The following HS3ST4 variants were observed in gnomAD, a reference collection of about 807,000 sequenced individuals.
HS3ST4 encodes heparan sulfate glucosamine 3-O-sulfotransferase 4.
HS3ST4 carries 17 observed loss-of-function variants against 29.2 expected under a neutral mutation model. That is an observed-to-expected ratio of 0.58 (90% CI 0.40 to 0.87). HS3ST4 has a LOEUF of 0.87. Among genes scored for constraint, HS3ST4 ranks in the 40% least tolerant of loss-of-function variants. The pLI is 0.00. For missense variants in HS3ST4, 627 were observed against 634.5 expected (o/e 0.99, Z 0.13); for synonymous variants, 314 against 285.7 (o/e 1.10, Z -1.00).
At chr16:25,985,356 A>G (rs890856007) in intron 1 of HS3ST4, among the ~76,000 whole-genome samples, 1 of 152,168 alleles carries the variant, frequency 6.6e-6, no homozygotes, top group African/African-American at 2.4e-5. Flanking sequence ...CAATTTGGGC[A>G]TTTAGGTGGT....
intron 1 of HS3ST4, among the ~76,000 whole-genome samples, chr16:25,905,535 T>G (rs1354372907): frequency 6.6e-6 from 1 of 152,150 alleles, no homozygotes; most frequent in Non-Finnish European, 1.5e-5. Context: ...AGACTCCACC[T>G]GAGACTTCCT....
At chr16:26,053,485 G>A (rs1307830639) in intron 1 of HS3ST4, among the ~76,000 whole-genome samples, 1 of 152,174 alleles carries the variant, frequency 6.6e-6, no homozygotes, top group African/African-American at 2.4e-5. Context: ...CATCCTGATG[G>A]AGAATTTCAG....
chr16:25,920,603 C>T lies in HS3ST4; in HGVS notation c.735-215009C>T, dbSNP rs893069445. 1.3e-4 allele frequency among the ~76,000 whole-genome samples: 11 copies of T among 86,878 alleles called. 2 individuals carry two copies. The highest frequency in any genetic ancestry group is 1.2e-3 in the African/African-American group (11 of 9,560). 57.0% of individuals were successfully genotyped at this position (86,878 alleles called of 152,430 possible). ...ATCCTTCCCCTCACTGCCGCCCCCA[C>T]CCCTCTTTTTTTTTTTTGAAACAGG... On this transcript the variant is annotated intron_variant, in intron 1 of 1. Transcript: ENST00000331351.
chr16:25,852,866 T>C (rs1336451646), intron 1 of HS3ST4, among the ~76,000 whole-genome samples: 2 of 152,196 alleles, frequency 1.3e-5, no homozygotes. Context: ...TTAATTCATC[T>C]CCAGTTTAAT....
At position 25,692,843 on chromosome 16, in the gene HS3ST4, C is replaced by A; in HGVS notation, c.426C>A (p.Thr142=). Residue 142 remains threonine (T), a synonymous_variant, in exon 1 of 2, where the codon ACC becomes ACA. Coordinates refer to ENST00000331351, the MANE Select transcript of HS3ST4 (RefSeq NM_006040.3). Reference sequence around the variant, plus strand: ...GCGCCCAGGACGCCTGGCTCCGGACCCCGCTGGCCCCCAGCGAGATGATCA... The same window carrying A: ...GCGCCCAGGACGCCTGGCTCCGGACACCGCTGGCCCCCAGCGAGATGATCA... ...GGGAQDAWLR[T]PLAPSEMITA... is the part of the protein sequence containing the mutation. The A allele has an allele frequency of 7.0e-7, 1 of 1,420,202 alleles. No homozygotes were observed. Among genetic ancestry groups the A allele is most frequent in the Non-Finnish European group, 9.2e-7 (1 of 1,091,208 alleles). 88.0% of individuals were successfully genotyped at this position (1,420,202 alleles called of 1,614,324 possible).
chr16:26,120,956 C>T (rs762421498), intron 1 of HS3ST4, among the ~76,000 whole-genome samples: 2 of 152,212 alleles, frequency 1.3e-5, no homozygotes, highest in South Asian at 2.1e-4. Context: ...ATAATTAACA[C>T]GCGTACTGAG....
intron 1 of HS3ST4, among the ~76,000 whole-genome samples, chr16:26,060,252 T>C (rs920002206): frequency 2.0e-5 from 3 of 152,176 alleles, no homozygotes; most frequent in Admixed American, 2.0e-4. Context: ...ATGAAGCAGG[T>C]GCAGTCATTT....
chr16:26,054,314 GA>G (rs1242521436), intron 1 of HS3ST4, among the ~76,000 whole-genome samples: 190 of 133,312 alleles, frequency 1.4e-3, no homozygotes, highest in African/African-American at 5.7e-3. Flanking sequence ...GGAGGAGGAA[GA>G]AGAAGAAGAA....
At chr16:25,770,056 A>G (rs966998888) in intron 1 of HS3ST4, among the ~76,000 whole-genome samples, 1 of 152,156 alleles carries the variant, frequency 6.6e-6, no homozygotes, top group Non-Finnish European at 1.5e-5. Flanking sequence ...TTGGTTGTTA[A>G]TCTTGTGGGA....
rs397962355 is a variant in HS3ST4 at position 26,054,299 on chromosome 16, A to AGAGAGAGAGAGAGAGAGAG, written c.735-81313_735-81312insGAGAGAGAGAGAGAGAGAG. Among the ~76,000 whole-genome samples, 324 of 141,582 alleles carry AGAGAGAGAGAGAGAGAGAG rather than the reference A, an allele frequency of 2.3e-3. 2 individuals carry two copies. The highest frequency in any genetic ancestry group is 8.0e-3 in the African/African-American group (275 of 34,520). The allele number at this position is 141,582 out of a possible 152,430, so 92.9% of individuals were successfully genotyped here. ...GAGAGAGAGAGAGAGAGAGAGAGAG[A>AGAGAGAGAGAGAGAGAGAG]AGGAGGAGGAGGAAGAAGAAGAAGA... On this transcript the variant is annotated intron_variant, in intron 1 of 1. Transcript: ENST00000331351.
chr16:26,128,298 A>G (rs1294255446), intron 1 of HS3ST4, among the ~76,000 whole-genome samples: 1 of 152,208 alleles, frequency 6.6e-6, no homozygotes, highest in African/African-American at 2.4e-5. Flanking sequence ...TTTATCATCA[A>G]CATATACCCC....
At chr16:26,073,520 G>T (rs1898625701) in intron 1 of HS3ST4, among the ~76,000 whole-genome samples, 1 of 152,078 alleles carries the variant, frequency 6.6e-6, no homozygotes, top group African/African-American at 2.4e-5. Context: ...GACTACAGGT[G>T]TGCCATCATG....
At chr16:26,013,131 T>A (rs1969326720) in intron 1 of HS3ST4, among the ~76,000 whole-genome samples, 1 of 152,072 alleles carries the variant, frequency 6.6e-6, no homozygotes. Context: ...GCCACTGTAC[T>A]CTAGCCTGGT....
At chr16:25,952,927 A>G (rs1202807023) in intron 1 of HS3ST4, among the ~76,000 whole-genome samples, 1 of 147,706 alleles carries the variant, frequency 6.8e-6, no homozygotes, top group Non-Finnish European at 1.5e-5. Context: ...TGTGGCTGTC[A>G]CCTCTGGACC....
At chr16:25,931,909 C>T (rs1260008120) in intron 1 of HS3ST4, among the ~76,000 whole-genome samples, 2 of 151,230 alleles carry the variant, frequency 1.3e-5, no homozygotes, top group African/African-American at 2.4e-5. Context: ...TCACTGCTTC[C>T]AAAAGGCAGC....
chr16:26,030,544 A>C (rs1344038721), intron 1 of HS3ST4, among the ~76,000 whole-genome samples: 3 of 152,220 alleles, frequency 2.0e-5, no homozygotes, highest in African/African-American at 7.2e-5. Context: ...GAAATATTAC[A>C]CTTTTTCTCC....
chr16:26,116,589 A>G (rs556864195), intron 1 of HS3ST4, among the ~76,000 whole-genome samples: 1 of 152,240 alleles, frequency 6.6e-6, no homozygotes, highest in Non-Finnish European at 1.5e-5. Context: ...CCATGATAGC[A>G]ATAACATATG....
chr16:26,089,100 T>G (rs185139568), intron 1 of HS3ST4, among the ~76,000 whole-genome samples: 8 of 152,314 alleles, frequency 5.3e-5, no homozygotes, highest in Admixed American at 4.6e-4. Context: ...TGCAAGTGTA[T>G]GCCTAACAGC....
rs144733076 is a variant in HS3ST4, at chr16:26,045,771, A to G, written c.735-89841A>G. ...TTCTTTACTGTTTTCCTGCACTTTTATAACATCCCAAGTTCTCTCTCACAT... is the reference window on the plus strand; with the variant it reads ...TTCTTTACTGTTTTCCTGCACTTTTGTAACATCCCAAGTTCTCTCTCACAT... On this transcript the variant is annotated intron_variant, in intron 1 of 1. Coordinates refer to ENST00000331351, the MANE Select transcript of HS3ST4 (RefSeq NM_006040.3). 2.1e-3 allele frequency among the ~76,000 whole-genome samples: 327 copies of G among 152,268 alleles called. 2 individuals carry two copies. Among genetic ancestry groups the G allele is most frequent in the African/African-American group, 7.7e-3 (321 of 41,542 alleles).
Sources: gnomAD v4.1 joint callset for allele counts (sites outside exome capture counted in the v4.1 genomes callset) on GRCh38, gnomAD v4.1.1 for gene constraint, MANE v1.5 for transcripts, NCBI Gene and HGNC (gene_info 2026-07-23, HGNC 2026-07-21) for gene names.